Variants in UNC13C observed in about 807,000 individuals in gnomAD.
UNC13C encodes the protein protein unc-13 homolog C.
UNC13C carries 174 observed loss-of-function variants against 245.4 expected under a neutral mutation model. The observed-to-expected ratio is 0.71, with a 90% CI of 0.63 to 0.80. UNC13C has a LOEUF of 0.80. Ranked by LOEUF, UNC13C falls within the 30% of genes least tolerant of loss-of-function variation. The pLI is 0.00. For missense variants in UNC13C, 2,829 were observed against 2,602.9 expected, an observed-to-expected ratio of 1.09 and a Z score of -1.89; for synonymous variants, 992 against 895.1, an observed-to-expected ratio of 1.11 and a Z score of -1.93.
At chr15:54,076,385 T>A (rs1898626579) in intron 2 of UNC13C, among the ~76,000 whole-genome samples, 1 of 151,690 alleles carries the variant, frequency 6.6e-6, no homozygotes, top group South Asian at 2.1e-4. Context: ...TGCGATAGTT[T>A]ACTGAGAATG....
At chr15:54,405,367 G>A (rs899147486) in intron 18 of UNC13C, among the ~76,000 whole-genome samples, 3 of 152,112 alleles carry the variant, frequency 2.0e-5, no homozygotes, top group African/African-American at 4.8e-5. Context: ...ACAAAAATGT[G>A]TTAAATTTTG....
At chr15:54,018,458 T>A (rs985391055) in intron 2 of UNC13C, among the ~76,000 whole-genome samples, 1 of 152,216 alleles carries the variant, frequency 6.6e-6, no homozygotes, top group Non-Finnish European at 1.5e-5. Flanking sequence ...AAAACTCCAA[T>A]GTTTATAGAT....
Position 54,264,252 on chromosome 15 carries a change from G to A in UNC13C, c.3533G>A (p.Arg1178Lys). The A allele has an allele frequency of 6.3e-7, 1 of 1,598,414 alleles. No individual in the cohort carries two copies. The highest frequency in any genetic ancestry group is 8.5e-7 in the Non-Finnish European group (1 of 1,171,946). Residue 1178 changes from arginine to lysine, a missense_variant, in exon 9 of 33, where the codon AGG becomes AAG. Arg to Lys is a conservative substitution (Grantham distance 26). Transcript: ENST00000260323. ...GCAATGAAAGAAAGAATGAAGATCA[G>A]GGAGAAAAACCGGCCAGAAGTATTT... ...ITAMKERMKI[R>K]EKNRPEVFEV...
chr15:54,259,858 C>T (rs865877652), intron 8 of UNC13C, among the ~76,000 whole-genome samples: 89 of 152,078 alleles, frequency 5.9e-4, no homozygotes, highest in African/African-American at 2.1e-3. Context: ...ACCCAAGGGC[C>T]AGGTGTATTT....
intron 28 of UNC13C, among the ~76,000 whole-genome samples, chr15:54,551,719 A>C (rs192157580): frequency 1.3e-5 from 2 of 152,188 alleles, no homozygotes; most frequent in East Asian, 3.9e-4. Context: ...TGATGATGAG[A>C]AAAATAACTT....
chr15:53,923,761 G>GT, the UNC13C span, among the ~76,000 whole-genome samples: 1 of 152,210 alleles, frequency 6.6e-6, no homozygotes, highest in Non-Finnish European at 1.5e-5. Flanking sequence ...ATCTCTGTTT[G>GT]TAAGTGCTCC....
At chr15:54,042,981 G>A (rs1032321617) in intron 2 of UNC13C, among the ~76,000 whole-genome samples, 1 of 152,074 alleles carries the variant, frequency 6.6e-6, no homozygotes, top group Admixed American at 6.5e-5. Context: ...AAGCCCACTA[G>A]ATGCTCCCTA....
Position 54,294,159 on chromosome 15 carries a change from A to G in UNC13C, c.3988+95A>G, listed in dbSNP as rs537393261. 7.2e-6 allele frequency: 8 copies of G among 1,105,780 alleles called. No homozygotes were observed. In the East Asian group the frequency reaches 8.5e-5, roughly 12 times the overall value. 68.5% of individuals were successfully genotyped at this position (1,105,780 alleles called of 1,614,324 possible). ...ATTCCCATATAAGTAAAAATAACCA[A>G]TGCCTTTCCAGGACATTCTGTTGAA... On this transcript the variant is annotated intron_variant, in intron 11 of 32. Transcript: ENST00000260323.
intron 30 of UNC13C, among the ~76,000 whole-genome samples, chr15:54,593,070 TG>T (rs1186464209): frequency 2.0e-5 from 3 of 152,184 alleles, no homozygotes; most frequent in Non-Finnish European, 4.4e-5. Context: ...ATATGATGCT[TG>T]GTTTCACTGG....
intron 8 of UNC13C, among the ~76,000 whole-genome samples, chr15:54,252,582 A>G (rs990450556): frequency 6.6e-6 from 1 of 152,308 alleles, no homozygotes; most frequent in Non-Finnish European, 1.5e-5. Context: ...ATAACTATCA[A>G]TAAAATTTGA....
chr15:54,030,168 AC>A (rs1896297098), intron 2 of UNC13C, among the ~76,000 whole-genome samples: 1 of 151,888 alleles, frequency 6.6e-6, no homozygotes, highest in African/African-American at 2.4e-5. Context: ...TCCAGGGACC[AC>A]CTTCCAAACT....
intron 2 of UNC13C, among the ~76,000 whole-genome samples, chr15:54,035,482 T>A (rs1896539593): frequency 6.6e-6 from 1 of 152,146 alleles, no homozygotes; most frequent in Non-Finnish European, 1.5e-5. Context: ...ATGACAAACT[T>A]CATAGGAACT....
chr15:54,042,628 C>T (rs1045376733), intron 2 of UNC13C, among the ~76,000 whole-genome samples: 68 of 152,072 alleles, frequency 4.5e-4, no homozygotes, highest in Admixed American at 2.9e-3. Context: ...CTGAGGCGGG[C>T]GGATCACAAG....
chr15:53,851,108 A>G, the UNC13C span, among the ~76,000 whole-genome samples: 19 of 152,096 alleles, frequency 1.2e-4, no homozygotes, highest in South Asian at 6.2e-4. Context: ...ATCATATTTA[A>G]GTAAACTGTT....
intron 1 of UNC13C, among the ~76,000 whole-genome samples, chr15:54,011,225 C>T (rs1351237222): frequency 6.6e-6 from 1 of 152,048 alleles, no homozygotes; most frequent in African/African-American, 2.4e-5. Flanking sequence ...GACACCTGTT[C>T]CTGAGTTTGC....
chr15:54,519,706 C>G (rs911349719), intron 24 of UNC13C, among the ~76,000 whole-genome samples: 2 of 152,140 alleles, frequency 1.3e-5, no homozygotes, highest in Admixed American at 1.3e-4. Flanking sequence ...AAACAAAAAA[C>G]AGGGTAGTAT....
At chr15:54,472,272 T>C (rs945207124) in intron 19 of UNC13C, among the ~76,000 whole-genome samples, 4 of 151,828 alleles carry the variant, frequency 2.6e-5, no homozygotes, top group Non-Finnish European at 5.9e-5. Flanking sequence ...TTGTGTTTGA[T>C]GTCACAGTTT....
At chr15:54,551,284 G>A (rs1384457956) in intron 28 of UNC13C, among the ~76,000 whole-genome samples, 2 of 151,978 alleles carry the variant, frequency 1.3e-5, no homozygotes, top group African/African-American at 2.4e-5. Flanking sequence ...TTCAAATCTT[G>A]TAGAGAAAAA....
intron 17 of UNC13C, among the ~76,000 whole-genome samples, chr15:54,383,564 C>A (rs1172687319): frequency 6.6e-6 from 1 of 152,012 alleles, no homozygotes; most frequent in African/African-American, 2.4e-5. Context: ...TAACATCATA[C>A]TGAAGGGGGA....
Sources: allele counts gnomAD v4.1 joint callset (sites outside exome capture counted in the v4.1 genomes callset), GRCh38; gene constraint gnomAD v4.1.1; transcripts MANE v1.5; gene names NCBI Gene and HGNC (gene_info 2026-07-23, HGNC 2026-07-21).